Variants in MFSD11 observed in about 807,000 individuals in gnomAD.
MFSD11 encodes the protein major facilitator superfamily domain containing 11.
MFSD11 carries 36 observed loss-of-function variants against 53.5 expected under a neutral mutation model. The observed-to-expected ratio is 0.67, with a 90% CI of 0.52 to 0.89. The LOEUF (loss-of-function observed/expected upper bound fraction) is 0.89, where lower values mean the gene tolerates loss of function less well. Among genes scored for constraint, MFSD11 ranks in the 40% least tolerant of loss-of-function variants. The pLI is 0.00. For missense variants in MFSD11, 530 were observed against 543.9 expected (o/e 0.97, Z 0.25); for synonymous variants, 186 against 184.9 (o/e 1.01, Z -0.05).
the MFSD11 span, among the ~76,000 whole-genome samples, chr17:76,789,667 C>G: frequency 2.7e-5 from 4 of 149,864 alleles, no homozygotes; most frequent in Non-Finnish European, 5.9e-5. Flanking sequence ...GGTTGCCTGA[C>G]GACCTGATAG....
At chr17:76,772,009 C>T (rs1017989001) in intron 10 of MFSD11, among the ~76,000 whole-genome samples, 10 of 152,094 alleles carry the variant, frequency 6.6e-5, no homozygotes, top group African/African-American at 2.4e-4. Flanking sequence ...TGAGTCAGTG[C>T]AGGGTTGTCT....
At chr17:76,765,963 T>A (rs2080813538) in intron 8 of MFSD11, among the ~76,000 whole-genome samples, 1 of 151,500 alleles carries the variant, frequency 6.6e-6, no homozygotes, top group Non-Finnish European at 1.5e-5. Context: ...TGACATGTCG[T>A]TATCACCTAA....
At chr17:76,751,631 T>C (rs1315012132) in intron 7 of MFSD11, among the ~76,000 whole-genome samples, 1 of 148,400 alleles carries the variant, frequency 6.7e-6, no homozygotes. Flanking sequence ...GCCCAGGAGG[T>C]CAAGGCTACA....
In MFSD11 at chr17:76,762,569, T is replaced by C. The variant is rs1416803655; in HGVS notation, c.683-4817T>C. On this transcript the variant is annotated intron_variant, in intron 8 of 12. Transcript: ENST00000685175. Reference sequence around the variant, plus strand: ...GTAGTCCCAGGCTGAGGCAGGAGAATGGTGTGAACCGAGGAGGTGGAGCTT... The same window carrying C: ...GTAGTCCCAGGCTGAGGCAGGAGAACGGTGTGAACCGAGGAGGTGGAGCTT... 4.8e-5 allele frequency among the ~76,000 whole-genome samples: 7 copies of C among 145,476 alleles called. No individual in the cohort carries two copies. The Admixed American group carries it at 5.1e-4, about 11-fold the overall frequency.
intron 8 of MFSD11, among the ~76,000 whole-genome samples, chr17:76,760,003 C>G (rs1289825326): frequency 6.6e-6 from 1 of 151,628 alleles, no homozygotes; most frequent in Non-Finnish European, 1.5e-5. Flanking sequence ...CCTGGTGGCT[C>G]ATTCCTGTAA....
chr17:76,747,960 G>A (rs886397481), intron 7 of MFSD11: 2 of 152,172 alleles, frequency 1.3e-5, no homozygotes, highest in African/African-American at 2.4e-5. Flanking sequence ...CCTCTTCTAT[G>A]CCTGAGGGAT....
chr17:76,745,836 T>TTTAC (rs1431455510), intron 7 of MFSD11, among the ~76,000 whole-genome samples: 4 of 151,814 alleles, frequency 2.6e-5, no homozygotes, highest in Non-Finnish European at 5.9e-5. Flanking sequence ...TATTTATTTA[T>TTTAC]TTATTTTTTG....
intron 8 of MFSD11, among the ~76,000 whole-genome samples, chr17:76,758,009 C>CAA (rs566815395): frequency 2.2e-5 from 3 of 136,654 alleles, no homozygotes; most frequent in African/African-American, 5.4e-5. Context: ...GACTGTGTCT[C>CAA]AAAAAAAAAA....
downstream of MFSD11, among the ~76,000 whole-genome samples, chr17:76,783,029 T>A (rs1046656267): frequency 1.3e-5 from 2 of 151,400 alleles, no homozygotes; most frequent in African/African-American, 2.4e-5. Flanking sequence ...ATACAAAAAT[T>A]AGCCAAGTGT....
downstream of MFSD11, among the ~76,000 whole-genome samples, chr17:76,780,576 C>T (rs936256078): frequency 9.3e-5 from 14 of 150,898 alleles, no homozygotes; most frequent in East Asian, 9.7e-4. Context: ...AGTGCAGTGG[C>T]GCAATCTTGG....
intron 8 of MFSD11, among the ~76,000 whole-genome samples, chr17:76,764,639 C>T (rs2080644753): frequency 6.6e-6 from 1 of 152,108 alleles, no homozygotes; most frequent in Non-Finnish European, 1.5e-5. Context: ...CTTTATTCAT[C>T]CGTTTAAGGA....
chr17:76,791,873 C>A, the MFSD11 span, among the ~76,000 whole-genome samples: 2 of 146,122 alleles, frequency 1.4e-5, no homozygotes, highest in African/African-American at 5.1e-5. Flanking sequence ...TTGTGTTCCC[C>A]CCCGCCCCGA....
At chr17:76,772,674 C>A (rs538553366) in intron 10 of MFSD11, among the ~76,000 whole-genome samples, 1 of 151,732 alleles carries the variant, frequency 6.6e-6, no homozygotes, top group Non-Finnish European at 1.5e-5. Context: ...ACCGCTACCA[C>A]GCCTGGCTAA....
At chr17:76,797,111 G>A in the MFSD11 span, among the ~76,000 whole-genome samples, 1 of 152,184 alleles carries the variant, frequency 6.6e-6, no homozygotes, top group Non-Finnish European at 1.5e-5. Flanking sequence ...GGAAGTTGCA[G>A]TGAGCTGAGA....
At chr17:76,769,210 A>G (rs188697103) in intron 9 of MFSD11, 3 of 152,396 alleles carry the variant, frequency 2.0e-5, no homozygotes, top group African/African-American at 7.2e-5. Context: ...TCTTAATTTT[A>G]GCTGCTATAA....
rs759079222 is a variant in MFSD11, at chr17:76,778,397, G to A, written c.*45G>A. ...CACGTATGACCTCAGAAACACAGCT[G>A]GACACAGAGCTTGGTGGAAGAAGTC... On this transcript the variant is annotated 3_prime_UTR_variant, in exon 13 of 13. Coordinates refer to ENST00000685175, the MANE Select transcript of MFSD11 (RefSeq NM_001242532.5). The A allele has an allele frequency of 3.1e-6, 5 of 1,594,284 alleles. No individual in the cohort carries two copies. The highest frequency in any genetic ancestry group is 2.7e-5 in the African/African-American group (2 of 74,320).
chr17:76,742,618 T>G (rs1328776959), intron 5 of MFSD11, among the ~76,000 whole-genome samples: 1 of 152,164 alleles, frequency 6.6e-6, no homozygotes, highest in African/African-American at 2.4e-5. Flanking sequence ...TTCTCCTGCC[T>G]TAGCCTCCTG....
intron 8 of MFSD11, among the ~76,000 whole-genome samples, chr17:76,764,350 A>G (rs1332507527): frequency 6.6e-6 from 1 of 152,222 alleles, no homozygotes; most frequent in Non-Finnish European, 1.5e-5. Context: ...TTAGATCCTC[A>G]GCACTCACTC....
Sources: gnomAD v4.1 joint callset for allele counts (sites outside exome capture counted in the v4.1 genomes callset) on GRCh38, gnomAD v4.1.1 for gene constraint, MANE v1.5 for transcripts, NCBI Gene and HGNC (gene_info 2026-07-23, HGNC 2026-07-21) for gene names.